The following NTNG1 variants were observed in gnomAD, a reference collection of about 807,000 sequenced individuals.
The protein encoded by NTNG1 is netrin-G1.
In NTNG1, 16 loss-of-function variants were observed where a neutral mutation model predicts 54.0. That is an observed-to-expected ratio of 0.30 (90% CI 0.20 to 0.45). NTNG1 has a LOEUF of 0.45. NTNG1 is among the 20% of genes least tolerant of loss of function. The pLI is 1.00. For synonymous variants in NTNG1, 255 were observed against 263.1 expected (o/e 0.97, Z 0.30); for missense variants, 530 against 678.7 (o/e 0.78, Z 2.43).
chr1:107,477,674 A>G (rs1678415841), intron 7 of NTNG1, among the ~76,000 whole-genome samples: 1 of 152,160 alleles, frequency 6.6e-6, no homozygotes, highest in Non-Finnish European at 1.5e-5. Context: ...AAAAGTAATT[A>G]TTTATACTAT....
At chr1:107,273,318 G>A (rs909643361) in intron 2 of NTNG1, among the ~76,000 whole-genome samples, 1 of 152,194 alleles carries the variant, frequency 6.6e-6, no homozygotes, top group Non-Finnish European at 1.5e-5. Flanking sequence ...TTTGAATCCT[G>A]ATAGAAGAAT....
intron 5 of NTNG1, among the ~76,000 whole-genome samples, chr1:107,428,770 G>T (rs1213332261): frequency 1.3e-5 from 2 of 152,090 alleles, no homozygotes; most frequent in Non-Finnish European, 1.5e-5. Context: ...AAGCTTTTCT[G>T]ACTCCCTCAG....
At chr1:107,156,185 A>G (rs1654982569) in intron 2 of NTNG1, among the ~76,000 whole-genome samples, 1 of 152,208 alleles carries the variant, frequency 6.6e-6, no homozygotes, top group Admixed American at 6.5e-5. Flanking sequence ...CATAAATCTA[A>G]TGTTTTCCTC....
chr1:107,253,273 TG>T (rs1557845789), intron 2 of NTNG1, among the ~76,000 whole-genome samples: 1 of 152,196 alleles, frequency 6.6e-6, no homozygotes. Context: ...TGCAGTCTGG[TG>T]ACTTTTTACT....
chr1:107,187,658 AG>A (rs1213294434), intron 2 of NTNG1, among the ~76,000 whole-genome samples: 22 of 152,176 alleles, frequency 1.4e-4, no homozygotes, highest in Admixed American at 7.2e-4. Flanking sequence ...GAGCTGCAAA[AG>A]GACAACGAAG....
chr1:107,190,309 A>G (rs763396942), intron 2 of NTNG1, among the ~76,000 whole-genome samples: 1 of 152,162 alleles, frequency 6.6e-6, no homozygotes, highest in Admixed American at 6.5e-5. Context: ...TAAGATGGTA[A>G]GTTTTATGTT....
At chr1:107,444,272 T>C (rs1676169993) in intron 7 of NTNG1, among the ~76,000 whole-genome samples, 1 of 152,114 alleles carries the variant, frequency 6.6e-6, no homozygotes, top group East Asian at 1.9e-4. Context: ...GACCTGATGC[T>C]ACCTCTGAGC....
intron 2 of NTNG1, among the ~76,000 whole-genome samples, chr1:107,192,110 G>A (rs1217914059): frequency 6.6e-6 from 1 of 152,106 alleles, no homozygotes; most frequent in Non-Finnish European, 1.5e-5. Context: ...TCATTGATCA[G>A]TGGTTTGTAG....
intron 3 of NTNG1, among the ~76,000 whole-genome samples, chr1:107,381,322 C>CA (rs1409142459): frequency 1.6e-5 from 2 of 127,558 alleles, no homozygotes; most frequent in Non-Finnish European, 3.2e-5. Context: ...TCTCTAACTC[C>CA]AAAATATAGC....
intron 2 of NTNG1, among the ~76,000 whole-genome samples, chr1:107,307,421 T>C (rs1298126361): frequency 6.6e-6 from 1 of 152,200 alleles, no homozygotes; most frequent in African/African-American, 2.4e-5. Context: ...CTGACTTGTA[T>C]TGAGACCTTA....
intron 3 of NTNG1, among the ~76,000 whole-genome samples, chr1:107,331,732 CA>C (rs1406765295): frequency 6.6e-6 from 1 of 152,078 alleles, no homozygotes; most frequent in Non-Finnish European, 1.5e-5. Flanking sequence ...CAAGTGAGGG[CA>C]ATATGTTTTT....
intron 2 of NTNG1, among the ~76,000 whole-genome samples, chr1:107,311,505 C>T (rs1386503987): frequency 1.3e-5 from 2 of 152,138 alleles, no homozygotes; most frequent in African/African-American, 4.8e-5. Flanking sequence ...CAAATAGGCA[C>T]TCTGTACTTG....
chr1:107,180,229 G>C (rs1345413646), intron 2 of NTNG1, among the ~76,000 whole-genome samples: 3 of 152,090 alleles, frequency 2.0e-5, no homozygotes, highest in African/African-American at 7.2e-5. Context: ...TTTTAGATAC[G>C]TATGGAGGTC....
At chr1:107,341,137 GAAGT>G (rs748723003) in intron 3 of NTNG1, among the ~76,000 whole-genome samples, 4 of 151,926 alleles carry the variant, frequency 2.6e-5, no homozygotes, top group Non-Finnish European at 4.4e-5. Context: ...AAAAAAGAAA[GAAGT>G]AAGTTTTGTT....
Position 107,230,088 on chromosome 1 carries a change from T to A in NTNG1, c.246+81249T>A, listed in dbSNP as rs574352298. Among the ~76,000 whole-genome samples the A allele has an allele frequency of 5.9e-5, 9 of 152,310 alleles. No individual in the cohort carries two copies. The South Asian group carries it at 1.9e-3, about 32-fold the overall frequency. On this transcript the variant is annotated intron_variant, in intron 2 of 7. Transcript: ENST00000370068. Reference sequence around the variant, plus strand: ...TGGAAGATAAATTGAGGAAACTAAGTATTAAATATATAAATGATAATATTG... The same window carrying A: ...TGGAAGATAAATTGAGGAAACTAAGAATTAAATATATAAATGATAATATTG...
At chr1:107,304,743 A>C (rs371795017) in intron 2 of NTNG1, among the ~76,000 whole-genome samples, 1 of 148,016 alleles carries the variant, frequency 6.8e-6, no homozygotes, top group African/African-American at 2.5e-5. Context: ...TTTTTTTTTT[A>C]AATTATACTT....
intron 1 of NTNG1, chr1:107,142,999 C>G (rs922631483): frequency 1.3e-5 from 2 of 152,126 alleles, no homozygotes; most frequent in Admixed American, 1.3e-4. Context: ...ATTTGGATCT[C>G]TGCATGTGGA....
intron 5 of NTNG1, among the ~76,000 whole-genome samples, chr1:107,419,083 C>T (rs1052357808): frequency 6.6e-6 from 1 of 151,950 alleles, no homozygotes; most frequent in Non-Finnish European, 1.5e-5. Flanking sequence ...GATCTGTTTT[C>T]GCTGACTATT....
chr1:107,174,554 A>C (rs142344748), intron 2 of NTNG1, among the ~76,000 whole-genome samples: 2 of 152,116 alleles, frequency 1.3e-5, no homozygotes, highest in East Asian at 3.9e-4. Flanking sequence ...CAAGACTTCC[A>C]AAGTGCTCCC....
Sources: gnomAD v4.1 joint callset for allele counts (sites outside exome capture counted in the v4.1 genomes callset) on GRCh38, gnomAD v4.1.1 for gene constraint, MANE v1.5 for transcripts, NCBI Gene and HGNC (gene_info 2026-07-23, HGNC 2026-07-21) for gene names.